Variants in TSC22D3 observed in about 807,000 individuals in gnomAD.
The protein encoded by TSC22D3 is TSC22 domain family protein 3.
Under a neutral mutation model 11.1 loss-of-function variants are expected in TSC22D3, and 4 were observed. The observed-to-expected ratio is 0.36, with a 90% CI of 0.18 to 0.83. The LOEUF (loss-of-function observed/expected upper bound fraction) is 0.83, where lower values mean the gene tolerates loss of function less well. Among genes scored for constraint, TSC22D3 ranks in the 40% least tolerant of loss-of-function variants. TSC22D3 has a pLI of 0.48. For synonymous variants in TSC22D3, 77 were observed against 70.3 expected (o/e 1.10, Z -0.48); for missense variants, 118 against 159.4 (o/e 0.74, Z 1.40).
At chrX:107,756,851 G>T (rs1386425014) in intron 1 of TSC22D3, among the ~76,000 whole-genome samples, 2 of 112,636 alleles carry the variant, frequency 1.8e-5, no homozygotes, top group African/African-American at 6.5e-5. Context: ...GGCTGCATCA[G>T]CTGGAGTGCC....
Position 107,715,943 on chromosome X carries a change from C to T in TSC22D3, c.328G>A (p.Gly110Arg). 8.3e-7 allele frequency: 1 copy of T among 1,210,390 alleles called. No homozygotes were observed. The highest frequency in any genetic ancestry group is 3.0e-5 in the East Asian group (1 of 33,766). ...TTGTCTATGGCCACCACGCTGGCTC[C>T]GGAGGCACTGCCAAGACAAAAAGCA... is the stretch of plus-strand genomic sequence containing the variant. ...SILLFFHSASGASVVAIDNKI... is the reference protein window; with the variant it reads ...SILLFFHSASRASVVAIDNKI... Residue 110 changes from glycine (G) to arginine (R), a missense_variant, in exon 2 of 3, where the codon GGA (glycine) becomes AGA (arginine). Coordinates refer to ENST00000372383, the MANE Select transcript of TSC22D3 (RefSeq NM_198057.3).
chrX:107,733,884 C>A (rs1311120552), intron 1 of TSC22D3, among the ~76,000 whole-genome samples: 2 of 111,961 alleles, frequency 1.8e-5, no homozygotes, highest in Non-Finnish European at 3.8e-5. Flanking sequence ...AGACAACTGC[C>A]TGCCCCACCT....
chrX:107,745,539 T>C (rs745511038), intron 1 of TSC22D3, among the ~76,000 whole-genome samples: 3 of 112,654 alleles, frequency 2.7e-5, no homozygotes, highest in Admixed American at 1.9e-4. Flanking sequence ...TTACCTAAAA[T>C]ACCCTTCAAA....
At chrX:107,754,642 C>G (rs998833184) in intron 1 of TSC22D3, among the ~76,000 whole-genome samples, 5 of 112,045 alleles carry the variant, frequency 4.5e-5, no homozygotes, top group African/African-American at 1.6e-4. Flanking sequence ...AAGCATGACC[C>G]TGGATGCTCT....
chrX:107,720,434 G>C (rs1257862605), intron 1 of TSC22D3, among the ~76,000 whole-genome samples: 1 of 112,473 alleles, frequency 8.9e-6, no homozygotes, highest in Non-Finnish European at 1.9e-5. Flanking sequence ...GCTCACGCCT[G>C]TAATCTCAGC....
At chrX:107,719,357 G>A (rs1230665772) in intron 1 of TSC22D3, among the ~76,000 whole-genome samples, 1 of 112,208 alleles carries the variant, frequency 8.9e-6, no homozygotes, top group African/African-American at 3.2e-5. Context: ...ACCTGATCTC[G>A]TCTGAGTTGT....
intron 1 of TSC22D3, among the ~76,000 whole-genome samples, chrX:107,732,962 A>G (rs141852427): frequency 0.016 from 1,782 of 110,436 alleles, 37 homozygotes; most frequent in African/African-American, 0.055. Context: ...TTAGCCAGGC[A>G]TGGTGGTGCA....
intron 1 of TSC22D3, among the ~76,000 whole-genome samples, chrX:107,773,412 A>G (rs980358070): frequency 1.8e-5 from 2 of 111,088 alleles, no homozygotes; most frequent in Non-Finnish European, 3.8e-5. Context: ...AGGTTTTTCT[A>G]CTACCCCTCC....
intron 1 of TSC22D3, among the ~76,000 whole-genome samples, chrX:107,768,020 G>C (rs1569455117): frequency 1.8e-5 from 2 of 112,484 alleles, no homozygotes; most frequent in African/African-American, 6.5e-5. Flanking sequence ...GGGTTCAAGA[G>C]GCTATTGCAC....
At position 107,750,694 on chromosome X, in the gene TSC22D3, A is replaced by G. The variant is rs920550939; in HGVS notation, c.320+24406T>C. Among the ~76,000 whole-genome samples, 11 of 111,229 alleles carry G rather than the reference A, an allele frequency of 9.9e-5. No individual in the cohort carries two copies. In the East Asian group the frequency reaches 3.1e-3, roughly 32 times the overall value. On this transcript the variant is annotated intron_variant, in intron 1 of 2. Transcript: ENST00000372383. ...CCAAGCAGGCTCAGCAACAGGGCAC[A>G]TCTGACTAGGCAGAAACTGATCAGA...
At chrX:107,726,514 C>T (rs768841077) in intron 1 of TSC22D3, among the ~76,000 whole-genome samples, 4 of 112,606 alleles carry the variant, frequency 3.6e-5, no homozygotes, top group East Asian at 5.6e-4. Flanking sequence ...CGGCCCTTGC[C>T]GGCATTATGA....
chrX:107,740,021 A>G (rs1039179986), intron 1 of TSC22D3, among the ~76,000 whole-genome samples: 12 of 112,306 alleles, frequency 1.1e-4, no homozygotes, highest in Non-Finnish European at 1.9e-5. Context: ...CTTCATATAC[A>G]GTATATATGT....
At chrX:107,749,818 G>A (rs1387707185) in intron 1 of TSC22D3, among the ~76,000 whole-genome samples, 2 of 111,498 alleles carry the variant, frequency 1.8e-5, no homozygotes, top group Non-Finnish European at 3.8e-5. Context: ...CAGCCTCGAC[G>A]CTGGAGGAGT....
intron 1 of TSC22D3, among the ~76,000 whole-genome samples, chrX:107,740,945 A>T (rs1928375787): frequency 9.1e-6 from 1 of 109,822 alleles, no homozygotes; most frequent in Non-Finnish European, 1.9e-5. Context: ...CCCCAAGCAC[A>T]TGACAGGCAT....
At chrX:107,757,158 C>T (rs1475503532) in intron 1 of TSC22D3, among the ~76,000 whole-genome samples, 2 of 112,805 alleles carry the variant, frequency 1.8e-5, no homozygotes, top group African/African-American at 6.4e-5. Flanking sequence ...TGCCTTCGAG[C>T]TGAGGCAGCG....
At chrX:107,751,976 G>A (rs1928953102) in intron 1 of TSC22D3, among the ~76,000 whole-genome samples, 1 of 112,516 alleles carries the variant, frequency 8.9e-6, no homozygotes, top group Non-Finnish European at 1.9e-5. Flanking sequence ...GTTACTACAA[G>A]CTGTTTACAC....
At chrX:107,737,389 G>T (rs752278544) in intron 1 of TSC22D3, among the ~76,000 whole-genome samples, 4 of 111,654 alleles carry the variant, frequency 3.6e-5, no homozygotes, top group Non-Finnish European at 7.5e-5. Context: ...CAGGGGTTTC[G>T]CTAAGTAAGA....
intron 1 of TSC22D3, among the ~76,000 whole-genome samples, chrX:107,738,692 G>T (rs1928256395): frequency 8.8e-6 from 1 of 113,075 alleles, no homozygotes; most frequent in Admixed American, 9.2e-5. Context: ...AAAGGGAGGG[G>T]GAGAACAGGC....
intron 1 of TSC22D3, among the ~76,000 whole-genome samples, chrX:107,765,140 T>G (rs1929603422): frequency 8.9e-6 from 1 of 111,775 alleles, no homozygotes; most frequent in Non-Finnish European, 1.9e-5. Flanking sequence ...TCTCCTCCCC[T>G]CTCCCAATCT....
Sources: gnomAD v4.1 joint callset for allele counts (sites outside exome capture counted in the v4.1 genomes callset) on GRCh38, gnomAD v4.1.1 for gene constraint, MANE v1.5 for transcripts, NCBI Gene and HGNC (gene_info 2026-07-23, HGNC 2026-07-21) for gene names.